GPR149: variants seen among roughly 807,000 people sequenced by gnomAD.
The protein encoded by GPR149 is probable G protein-coupled receptor 149.
GPR149 carries 50 observed loss-of-function variants against 50.2 expected under a neutral mutation model. That is an observed-to-expected ratio of 1.00 (90% CI 0.79 to 1.26). The LOEUF is 1.26. GPR149 is among the 50% of genes most tolerant of loss of function. GPR149 has a pLI of 0.00. For missense variants in GPR149, 983 were observed against 895.4 expected (o/e 1.10, Z -1.25); for synonymous variants, 405 against 358.2 (o/e 1.13, Z -1.48).
At chr3:154,417,751 A>T (rs1712028243) in intron 3 of GPR149, among the ~76,000 whole-genome samples, 1 of 152,106 alleles carries the variant, frequency 6.6e-6, no homozygotes, top group Admixed American at 6.6e-5. Flanking sequence ...GAAGAAAAAG[A>T]TAAAAATGAA....
chr3:154,358,226 C>A (rs149355710), intron 3 of GPR149, among the ~76,000 whole-genome samples: 1 of 151,938 alleles, frequency 6.6e-6, no homozygotes, highest in African/African-American at 2.4e-5. Context: ...ACCAACATGT[C>A]ACATGTATAC....
chr3:154,406,352 T>C (rs1261102040), intron 3 of GPR149, among the ~76,000 whole-genome samples: 1 of 152,158 alleles, frequency 6.6e-6, no homozygotes, highest in East Asian at 1.9e-4. Context: ...TCTAGAGGGG[T>C]ATTTGGCAAT....
intron 3 of GPR149, among the ~76,000 whole-genome samples, chr3:154,380,543 T>C (rs1291250946): frequency 4.6e-5 from 7 of 152,214 alleles, no homozygotes; most frequent in African/African-American, 1.7e-4. Context: ...ATTATTTATG[T>C]GGATCTTTCT....
At chr3:154,375,226 T>C (rs1226704046) in intron 3 of GPR149, among the ~76,000 whole-genome samples, 1 of 152,212 alleles carries the variant, frequency 6.6e-6, no homozygotes. Flanking sequence ...TAACAAATGA[T>C]TTGAGGACAC....
chr3:154,421,060 T>C lies in GPR149; in HGVS notation c.1602A>G (p.Lys534=), dbSNP rs776184153. The C allele has an allele frequency of 3.1e-6, 5 of 1,608,230 alleles. No homozygotes were observed. In the South Asian group the frequency reaches 5.6e-5, roughly 18 times the overall value. Residue 534 remains lysine, a synonymous_variant, in exon 3 of 4, where the codon AAA becomes AAG. Coordinates refer to ENST00000389740, the MANE Select transcript of GPR149 (RefSeq NM_001038705.3). ...DLSDWEWCRS[K]SERTPRQRSG... is the part of the protein sequence containing the mutation. ...GTACCTGACGAGGGGTTCTTTCTGA[T>C]TTACTCCTACACCACTCCCAGTCTG...
chr3:154,428,894 G>A lies in GPR149; in HGVS notation c.722C>T (p.Thr241Ile). ...EISRGASIPGTPPTAGRVVSL... is the reference protein window; with the variant it reads ...EISRGASIPGIPPTAGRVVSL... ...AACCACTCTCCCCGCAGTAGGAGGG[G>A]TCCCAGGAATTGAAGCTCCACGGGA... The change falls in exon 1 of 4, where the codon ACC (threonine) becomes ATC (isoleucine). Residue 241 changes from threonine (T) to isoleucine (I), a missense_variant. Coordinates refer to ENST00000389740, the MANE Select transcript of GPR149 (RefSeq NM_001038705.3). 1 of 1,614,048 alleles carries A rather than the reference G, an allele frequency of 6.2e-7. No homozygotes were observed. Among genetic ancestry groups the A allele is most frequent in the Non-Finnish European group, 8.5e-7 (1 of 1,179,980 alleles).
intron 3 of GPR149, among the ~76,000 whole-genome samples, chr3:154,404,959 T>A (rs1254582285): frequency 6.6e-6 from 1 of 152,146 alleles, no homozygotes; most frequent in Non-Finnish European, 1.5e-5. Flanking sequence ...ATCAGAAACC[T>A]TTCCACTAAA....
At chr3:154,343,708 T>A (rs905043342) in intron 3 of GPR149, among the ~76,000 whole-genome samples, 2 of 152,168 alleles carry the variant, frequency 1.3e-5, no homozygotes, top group Non-Finnish European at 2.9e-5. Context: ...TGTTCATCCC[T>A]GTAATCCCTT....
At chr3:154,423,558 G>C (rs563631451) in intron 2 of GPR149, among the ~76,000 whole-genome samples, 2 of 151,898 alleles carry the variant, frequency 1.3e-5, no homozygotes, top group South Asian at 4.1e-4. Context: ...GGCAAATTCT[G>C]CCTGAAGTAA....
In GPR149 at chr3:154,417,816, G is replaced by A. The variant is rs557072437; in HGVS notation, c.1623+3223C>T. Among the ~76,000 whole-genome samples, 18 of 152,094 alleles carry A rather than the reference G, an allele frequency of 1.2e-4. 1 individual carries two copies. In the South Asian group the frequency reaches 3.7e-3, roughly 32 times the overall value. On this transcript the variant is annotated intron_variant, in intron 3 of 3. Transcript: ENST00000389740. ...TGTAATATTTGCTGCTGAAGAAAAG[G>A]GTAAGAATTAAAAGTTGTTTTAGTC...
chr3:154,341,701 T>C (rs73872821), intron 3 of GPR149, among the ~76,000 whole-genome samples: 1,664 of 152,256 alleles, frequency 0.011, 30 homozygotes, highest in African/African-American at 0.038. Context: ...AAAGTTCCAC[T>C]GAAATTTTAT....
chr3:154,366,327 T>C (rs928168202), intron 3 of GPR149, among the ~76,000 whole-genome samples: 15 of 152,182 alleles, frequency 9.9e-5, no homozygotes, highest in African/African-American at 2.7e-4. Context: ...CAGCATTACA[T>C]GACAGATAGC....
At chr3:154,405,113 A>T (rs879469172) in intron 3 of GPR149, among the ~76,000 whole-genome samples, 24 of 152,232 alleles carry the variant, frequency 1.6e-4, no homozygotes, top group Admixed American at 2.6e-4. Flanking sequence ...CTATTTGCAG[A>T]TGATATGATA....
chr3:154,341,317 ATATATATATATATATATATATAT>A (rs1713793016), intron 3 of GPR149, among the ~76,000 whole-genome samples: 1 of 62,960 alleles, frequency 1.6e-5, no homozygotes, highest in Admixed American at 1.4e-4. Context: ...ATATATATAT[ATATATATATATATATATATATAT>A]AAAATGAGTA....
chr3:154,396,325 T>C (rs1454639274), intron 3 of GPR149, among the ~76,000 whole-genome samples: 4 of 152,204 alleles, frequency 2.6e-5, no homozygotes, highest in African/African-American at 4.8e-5. Context: ...AAGACATTAC[T>C]AAAGCAACAG....
rs182087292 is a variant in GPR149, at chr3:154,344,947, G to A, written c.1624-6676C>T. 2.5e-3 allele frequency among the ~76,000 whole-genome samples: 384 copies of A among 152,182 alleles called. 3 individuals are homozygous for A. Among genetic ancestry groups the A allele is most frequent in the African/African-American group, 8.8e-3 (366 of 41,516 alleles). Reference sequence around the variant, plus strand: ...TGCAAACAGTACAAAAATACATTTCGAAAAAAACTTATTTTTAAAAGTCCT... The same window carrying A: ...TGCAAACAGTACAAAAATACATTTCAAAAAAAACTTATTTTTAAAAGTCCT... On this transcript the variant is annotated intron_variant, in intron 3 of 3. Transcript: ENST00000389740.
chr3:154,363,321 CTGAATAATTTACAAATTATTCAGTCT>C (rs549882770), intron 3 of GPR149, among the ~76,000 whole-genome samples: 168 of 152,180 alleles, frequency 1.1e-3, no homozygotes, highest in African/African-American at 4.0e-3. Context: ...ATACTACAAA[CTGAATAATTTACAAATTATTCAGTCT>C]TGAATAATTG....
intron 3 of GPR149, among the ~76,000 whole-genome samples, chr3:154,340,424 T>C (rs1430199101): frequency 6.6e-6 from 1 of 152,214 alleles, no homozygotes; most frequent in Non-Finnish European, 1.5e-5. Context: ...TGGCAACTTT[T>C]GGCAAAAGAG....
intron 3 of GPR149, among the ~76,000 whole-genome samples, chr3:154,395,067 A>G (rs529311318): frequency 6.6e-6 from 1 of 152,270 alleles, no homozygotes; most frequent in South Asian, 2.1e-4. Flanking sequence ...CATGTAGGTA[A>G]AAAACTATAA....
Sources: gnomAD v4.1 joint callset for allele counts (sites outside exome capture counted in the v4.1 genomes callset) on GRCh38, gnomAD v4.1.1 for gene constraint, MANE v1.5 for transcripts, NCBI Gene and HGNC (gene_info 2026-07-23, HGNC 2026-07-21) for gene names.